WWOX: variants seen among roughly 807,000 people sequenced by gnomAD.
WWOX encodes the protein WW domain containing oxidoreductase, also known as WW domain-containing oxidoreductase.
Under a neutral mutation model 46.2 loss-of-function variants are expected in WWOX, and 69 were observed. The ratio of observed to expected loss-of-function variants is 1.49; its 90% CI spans 1.23 to 1.82. WWOX has a LOEUF of 1.82. WWOX is among the 40% of genes most tolerant of loss of function. The probability of loss-of-function intolerance (pLI) is 0.00; values close to 1 mark genes in which losing one functional copy is unlikely to be tolerated. For synonymous variants in WWOX, 359 were observed against 202.6 expected (o/e 1.77, Z -6.56); for missense variants, 919 against 542.6 (o/e 1.69, Z -6.89).
At chr16:79,033,894 C>A (rs577932025) in intron 8 of WWOX, among the ~76,000 whole-genome samples, 1 of 152,218 alleles carries the variant, frequency 6.6e-6, no homozygotes, top group African/African-American at 2.4e-5. Context: ...GTCTGTCGCA[C>A]CATCAAACAG....
chr16:78,325,295 G>A (rs971167955), intron 5 of WWOX, among the ~76,000 whole-genome samples: 4 of 152,220 alleles, frequency 2.6e-5, no homozygotes, highest in Admixed American at 6.5e-5. Flanking sequence ...GCTCTTTTAT[G>A]ACTTTATAAA....
At chr16:78,966,727 A>G (rs562084071) in intron 8 of WWOX, among the ~76,000 whole-genome samples, 1 of 152,344 alleles carries the variant, frequency 6.6e-6, no homozygotes, top group East Asian at 1.9e-4. Context: ...AATATATTGC[A>G]AAACTCTTTT....
At chr16:78,782,341 C>T (rs1043196935) in intron 8 of WWOX, among the ~76,000 whole-genome samples, 1 of 152,190 alleles carries the variant, frequency 6.6e-6, no homozygotes, top group African/African-American at 2.4e-5. Flanking sequence ...TGTTTTCCTA[C>T]TTTTCTTTGG....
intron 8 of WWOX, among the ~76,000 whole-genome samples, chr16:78,937,715 C>T (rs2045770748): frequency 6.6e-6 from 1 of 151,926 alleles, no homozygotes; most frequent in African/African-American, 2.4e-5. Context: ...ACCTCCGCCT[C>T]CTGGGTTGAA....
intron 8 of WWOX, among the ~76,000 whole-genome samples, chr16:78,644,179 G>A (rs2046787512): frequency 6.6e-6 from 1 of 152,044 alleles, no homozygotes; most frequent in Middle Eastern, 3.2e-3. Context: ...CTGAGATCAC[G>A]CCATTGCACT....
intron 8 of WWOX, among the ~76,000 whole-genome samples, chr16:78,780,619 A>T (rs771987059): frequency 1.3e-5 from 2 of 152,160 alleles, no homozygotes; most frequent in Non-Finnish European, 2.9e-5. Context: ...GACAGGGAAG[A>T]CCATTTTAAG....
chr16:78,293,338 A>G (rs2079888836), intron 5 of WWOX, among the ~76,000 whole-genome samples: 1 of 151,964 alleles, frequency 6.6e-6, no homozygotes, highest in Non-Finnish European at 1.5e-5. Flanking sequence ...TTATCTTTGC[A>G]CTCTCTCCTG....
chr16:78,105,458 C>CAA (rs61383923), intron 1 of WWOX, among the ~76,000 whole-genome samples: 103 of 126,628 alleles, frequency 8.1e-4, no homozygotes, highest in Non-Finnish European at 1.2e-3. Flanking sequence ...GACTCTGTCT[C>CAA]AAAAAAAAAA....
intron 8 of WWOX, among the ~76,000 whole-genome samples, chr16:79,126,795 G>T (rs1470811904): frequency 6.6e-6 from 1 of 152,118 alleles, no homozygotes; most frequent in African/African-American, 2.4e-5. Context: ...TAGACTCCAT[G>T]CAGAATGACT....
At chr16:78,522,230 A>G (rs187473596) in intron 8 of WWOX, among the ~76,000 whole-genome samples, 2 of 152,138 alleles carry the variant, frequency 1.3e-5, no homozygotes, top group East Asian at 1.9e-4. Context: ...TTGTAGACTC[A>G]TGAAACCTAG....
chr16:79,113,568 G>A (rs566839174), intron 8 of WWOX, among the ~76,000 whole-genome samples: 1 of 152,196 alleles, frequency 6.6e-6, no homozygotes, highest in African/African-American at 2.4e-5. Context: ...TTAGGCTTAC[G>A]CCTGGGTGGA....
At chr16:79,009,159 C>G (rs574238364) in intron 8 of WWOX, among the ~76,000 whole-genome samples, 2 of 152,278 alleles carry the variant, frequency 1.3e-5, no homozygotes, top group East Asian at 3.9e-4. Flanking sequence ...CTAAAAAGGC[C>G]CATTCACTAG....
Position 78,633,675 on chromosome 16 carries a change from C to T in WWOX, c.1056+200923C>T, listed in dbSNP as rs565292512. On this transcript the variant is annotated intron_variant, in intron 8 of 8. Transcript: ENST00000566780. The stretch of plus-strand genomic sequence containing the variant: ...TTCTCAAGAAAGCAACTTGTGCTAC[C>T]TCCTGCGTGCTTTTATGCTTCGCTG... Among the ~76,000 whole-genome samples, 24 of 152,288 alleles carry T rather than the reference C, an allele frequency of 1.6e-4. No individual in the cohort carries two copies. The East Asian group carries it at 3.1e-3, about 20-fold the overall frequency.
At chr16:78,758,610 T>A (rs1344398136) in intron 8 of WWOX, among the ~76,000 whole-genome samples, 1 of 152,198 alleles carries the variant, frequency 6.6e-6, no homozygotes, top group African/African-American at 2.4e-5. Flanking sequence ...GGATGGTTTC[T>A]TTTTAGCTTG....
chr16:78,700,322 G>C (rs1597461944), intron 8 of WWOX, among the ~76,000 whole-genome samples: 2 of 34,996 alleles, frequency 5.7e-5, no homozygotes, highest in Admixed American at 1.8e-4. Context: ...CAGAGAGAGA[G>C]AGAGAGAGAG....
intron 8 of WWOX, among the ~76,000 whole-genome samples, chr16:79,163,842 G>T (rs2050537394): frequency 6.8e-6 from 1 of 147,866 alleles, no homozygotes; most frequent in African/African-American, 2.5e-5. Context: ...GGTCAGAGGG[G>T]GAAAAGAGAG....
Position 78,261,282 on chromosome 16 carries a change from GATAC to G in WWOX, c.516+97021_516+97024del, listed in dbSNP as rs148569284. ...GGTAAGGTAGATAGATAGATAGATAGATACATACATACATACATACATACATACA... is the reference window on the plus strand; with the variant it reads ...GGTAAGGTAGATAGATAGATAGATAGATACATACATACATACATACATACA... On this transcript the variant is annotated intron_variant, in intron 5 of 8. Transcript: ENST00000566780. Among the ~76,000 whole-genome samples, 754 of 139,966 alleles carry G rather than the reference GATAC, an allele frequency of 5.4e-3. 18 individuals are homozygous for G. The highest frequency in any genetic ancestry group is 0.016 in the African/African-American group (608 of 37,990). 91.8% of individuals were successfully genotyped at this position (139,966 alleles called of 152,430 possible).
chr16:78,902,339 A>G (rs1254027745), intron 8 of WWOX, among the ~76,000 whole-genome samples: 3 of 152,238 alleles, frequency 2.0e-5, no homozygotes, highest in African/African-American at 2.4e-5. Flanking sequence ...GTTCTGAGGC[A>G]TATTATTCCC....
At chr16:79,050,703 C>G (rs370511055) in intron 8 of WWOX, among the ~76,000 whole-genome samples, 5 of 152,148 alleles carry the variant, frequency 3.3e-5, no homozygotes, top group East Asian at 1.9e-4. Context: ...AAAAATCAAT[C>G]TGGCGAAATG....
Sources: allele counts gnomAD v4.1 joint callset (sites outside exome capture counted in the v4.1 genomes callset), GRCh38; gene constraint gnomAD v4.1.1; transcripts MANE v1.5; gene names NCBI Gene and HGNC (gene_info 2026-07-23, HGNC 2026-07-21).